SIK2: variants seen among roughly 807,000 people sequenced by gnomAD.
SIK2 encodes the protein salt inducible kinase 2, also known as serine/threonine-protein kinase SIK2.
SIK2 carries 29 observed loss-of-function variants against 103.2 expected under a neutral mutation model. That is an observed-to-expected ratio of 0.28 (90% CI 0.21 to 0.38). The LOEUF is 0.38. Ranked by LOEUF, SIK2 falls within the 10% of genes least tolerant of loss-of-function variation. The pLI is 1.00. For synonymous variants in SIK2, 412 were observed against 446.1 expected, an observed-to-expected ratio of 0.92 and a Z score of 0.96; for missense variants, 879 against 1,171.0, an observed-to-expected ratio of 0.75 and a Z score of 3.64.
At chr11:111,659,440 C>A (rs927726486) in intron 3 of SIK2, among the ~76,000 whole-genome samples, 1 of 152,190 alleles carries the variant, frequency 6.6e-6, no homozygotes, top group Non-Finnish European at 1.5e-5. Flanking sequence ...ATAGGAAGTG[C>A]AGCTTAGGCA....
intron 9 of SIK2, among the ~76,000 whole-genome samples, chr11:111,716,470 A>G (rs1436622187): frequency 1.3e-5 from 2 of 152,050 alleles, no homozygotes; most frequent in Non-Finnish European, 2.9e-5. Flanking sequence ...CCAGCTACTG[A>G]GGAGGCTGAG....
intron 3 of SIK2, among the ~76,000 whole-genome samples, chr11:111,675,707 C>T (rs1361986554): frequency 1.3e-5 from 2 of 152,198 alleles, no homozygotes; most frequent in African/African-American, 4.8e-5. Context: ...CTTAGCACAG[C>T]TTAATCTGTA....
At chr11:111,650,291 T>C (rs1942311299) in intron 3 of SIK2, among the ~76,000 whole-genome samples, 1 of 152,056 alleles carries the variant, frequency 6.6e-6, no homozygotes, top group Non-Finnish European at 1.5e-5. Flanking sequence ...GAAGAAAATC[T>C]CTGATTTTTC....
chr11:111,616,374 A>G lies in SIK2; in HGVS notation c.252+15A>G. Reference sequence around the variant, plus strand: ...AACTTTATCAGGTATGACTCAGCCTAACACTATCTCCATTCATTCCACAAG... The same window carrying G: ...AACTTTATCAGGTATGACTCAGCCTGACACTATCTCCATTCATTCCACAAG... On this transcript the variant is annotated intron_variant, in intron 2 of 14. Coordinates refer to ENST00000304987, the MANE Select transcript of SIK2 (RefSeq NM_015191.3). 1 of 1,381,906 alleles carries G rather than the reference A, an allele frequency of 7.2e-7. No homozygotes were observed. Among genetic ancestry groups the G allele is most frequent in the Non-Finnish European group, 1.0e-6 (1 of 970,118 alleles). 85.6% of individuals were successfully genotyped at this position (1,381,906 alleles called of 1,614,324 possible).
chr11:111,719,045 C>T (rs573123409), intron 9 of SIK2, among the ~76,000 whole-genome samples: 3 of 152,312 alleles, frequency 2.0e-5, no homozygotes, highest in Admixed American at 6.5e-5. Flanking sequence ...CCATCGATAA[C>T]GTATATGTTG....
chr11:111,720,403 TG>T, intron 10 of SIK2, 74 bp from the exon 11 acceptor site: 2 of 1,419,128 alleles, frequency 1.4e-6, no homozygotes, highest in Non-Finnish European at 1.9e-6. Flanking sequence ...AAACTCAAGC[TG>T]GTTATGCTTT....
intron 9 of SIK2, among the ~76,000 whole-genome samples, chr11:111,717,686 T>C (rs187562685): frequency 1.3e-5 from 2 of 152,288 alleles, no homozygotes; most frequent in Admixed American, 6.5e-5. Flanking sequence ...AGACATGGAA[T>C]CAACCCAAAT....
In SIK2 at chr11:111,712,208, C is replaced by T; in HGVS notation, c.1102-3C>T. On this transcript the variant is annotated splice_region_variant and splice_polypyrimidine_tract_variant and intron_variant, in intron 8 of 14. Transcript: ENST00000304987. ...AAACTGTCTGTTCTTGCCATATTTA[C>T]AGGCACAGACTGTGGGGCTCCCAGT... is the stretch of plus-strand genomic sequence containing the variant. 6.2e-7 allele frequency: 1 copy of T among 1,613,240 alleles called. No individual in the cohort carries two copies. The highest frequency in any genetic ancestry group is 8.5e-7 in the Non-Finnish European group (1 of 1,179,580).
chr11:111,684,183 C>G (rs1217203450), intron 3 of SIK2, among the ~76,000 whole-genome samples: 1 of 152,174 alleles, frequency 6.6e-6, no homozygotes, highest in Non-Finnish European at 1.5e-5. Context: ...CAGACAGTGC[C>G]TTCCTGCTGC....
rs906283348 is a variant in SIK2 at position 111,728,861 on chromosome 11, T to C, written c.*4732T>C. On this transcript the variant is annotated 3_prime_UTR_variant, in exon 15 of 15. Transcript: ENST00000304987. ...ATGGCGTGAACCCGGGAGGTGGAGCTTGCAGTGAGCCAAGATCGTGCCACT... is the reference window on the plus strand; with the variant it reads ...ATGGCGTGAACCCGGGAGGTGGAGCCTGCAGTGAGCCAAGATCGTGCCACT... 3 of 151,256 alleles carry C rather than the reference T, an allele frequency of 2.0e-5. No individual in the cohort carries two copies. Among genetic ancestry groups the C allele is most frequent in the Non-Finnish European group, 4.4e-5 (3 of 67,920 alleles). The allele number at this position is 151,256 out of a possible 1,614,324, so 9.4% of individuals were successfully genotyped here.
intron 1 of SIK2, among the ~76,000 whole-genome samples, chr11:111,607,200 G>T (rs1283150031): frequency 6.6e-6 from 1 of 152,086 alleles, no homozygotes; most frequent in Non-Finnish European, 1.5e-5. Flanking sequence ...GTGTCAGGCT[G>T]CTTACTTACC....
At chr11:111,682,350 G>T (rs73560686) in intron 3 of SIK2, among the ~76,000 whole-genome samples, 1 of 152,148 alleles carries the variant, frequency 6.6e-6, no homozygotes, top group African/African-American at 2.4e-5. Context: ...AAAAGGGGGA[G>T]GGTGAGAGTA....
intron 9 of SIK2, among the ~76,000 whole-genome samples, chr11:111,716,818 C>G (rs570496696): frequency 2.0e-5 from 3 of 151,944 alleles, no homozygotes; most frequent in Admixed American, 6.6e-5. Context: ...AAAAAAGAAC[C>G]TGCATGAAAA....
At chr11:111,657,050 G>GC (rs747035713) in intron 3 of SIK2, among the ~76,000 whole-genome samples, 79 of 152,270 alleles carry the variant, frequency 5.2e-4, no homozygotes, top group Non-Finnish European at 9.4e-4. Context: ...ACTACAACTT[G>GC]TATAAGATGT....
At chr11:111,668,785 T>C (rs1176675613) in intron 3 of SIK2, among the ~76,000 whole-genome samples, 1 of 152,200 alleles carries the variant, frequency 6.6e-6, no homozygotes, top group Non-Finnish European at 1.5e-5. Context: ...TAAGAAACTA[T>C]TCTAATAGTT....
intron 4 of SIK2, among the ~76,000 whole-genome samples, chr11:111,697,252 G>C (rs192791009): frequency 2.0e-5 from 3 of 152,282 alleles, no homozygotes; most frequent in Non-Finnish European, 4.4e-5. Flanking sequence ...TATCTTCAGA[G>C]AGTTTAAATC....
chr11:111,627,664 A>T (rs1262001617), intron 3 of SIK2, among the ~76,000 whole-genome samples: 1 of 152,214 alleles, frequency 6.6e-6, no homozygotes, highest in Admixed American at 6.5e-5. Flanking sequence ...AACAGTAGTT[A>T]ACTTTGTACT....
At chr11:111,665,310 C>T (rs987103550) in intron 3 of SIK2, among the ~76,000 whole-genome samples, 7 of 151,370 alleles carry the variant, frequency 4.6e-5, no homozygotes, top group African/African-American at 1.5e-4. Context: ...ACACACTAGC[C>T]GGGTGTGGTG....
chr11:111,625,340 G>T (rs1057058479), intron 3 of SIK2, among the ~76,000 whole-genome samples: 1 of 152,148 alleles, frequency 6.6e-6, no homozygotes, highest in Non-Finnish European at 1.5e-5. Flanking sequence ...AGACCGGGGA[G>T]TAGCAGTACA....
Sources: gnomAD v4.1 joint callset for allele counts (sites outside exome capture counted in the v4.1 genomes callset) on GRCh38, gnomAD v4.1.1 for gene constraint, MANE v1.5 for transcripts, NCBI Gene and HGNC (gene_info 2026-07-23, HGNC 2026-07-21) for gene names.